The following C19orf12 variants were observed in gnomAD, a reference collection of about 807,000 sequenced individuals.
The protein encoded by C19orf12 is chromosome 19 open reading frame 12, also known as protein C19orf12.
Under a neutral mutation model 3.8 loss-of-function variants are expected in C19orf12, and 2 were observed. That is an observed-to-expected ratio of 0.53 (90% confidence interval 0.22 to 1.66). The LOEUF (loss-of-function observed/expected upper bound fraction) is 1.66, where lower values mean the gene tolerates loss of function less well. C19orf12 is among the 40% of genes most tolerant of loss of function. C19orf12 has a pLI of 0.20. For synonymous variants in C19orf12, 89 were observed against 84.6 expected (o/e 1.05, Z -0.28); for missense variants, 156 against 188.8 (o/e 0.83, Z 1.02).
In C19orf12 at chr19:29,702,705, G is replaced by C; in HGVS notation, c.*7C>G. 6.2e-7 allele frequency: 1 copy of C among 1,613,284 alleles called. No individual in the cohort carries two copies. The stretch of plus-strand genomic sequence containing the variant: ...AAAGGGGCCCCCCACCTCCCCGGAG[G>C]TGCGGCCTAGTCATCATACTGGATC... On this transcript the variant is annotated 3_prime_UTR_variant, in exon 3 of 3. Transcript: ENST00000323670.
chr19:29,713,146 G>C (rs1972770542), intron 1 of C19orf12, among the ~76,000 whole-genome samples: 1 of 152,184 alleles, frequency 6.6e-6, no homozygotes, highest in South Asian at 2.1e-4. Context: ...TGAGAGGGAA[G>C]CCCACCCTGC....
chr19:29,701,117 C>T lies in C19orf12; in HGVS notation c.*1595G>A, dbSNP rs537395968. On this transcript the variant is annotated 3_prime_UTR_variant, in exon 3 of 3. Coordinates refer to ENST00000323670, the MANE Select transcript of C19orf12 (RefSeq NM_031448.6). ...CTTCCCTCTTGTTCCATTTGTAAGA[C>T]TTTGAATATTAGAGATATTTTACAC... 216 of 454,108 alleles carry T rather than the reference C, an allele frequency of 4.8e-4. No homozygotes were observed. The highest frequency in any genetic ancestry group is 2.4e-3 in the South Asian group (152 of 64,480). 28.1% of individuals were successfully genotyped at this position (454,108 alleles called of 1,614,324 possible). A position where few individuals can be genotyped will look rare whatever the true frequency, so the allele number is the denominator to read the frequency against.
intron 2 of C19orf12, among the ~76,000 whole-genome samples, chr19:29,708,045 T>G (rs1415961246): frequency 6.6e-6 from 1 of 151,878 alleles, no homozygotes; most frequent in Non-Finnish European, 1.5e-5. Context: ...CGCCCAGCTA[T>G]TTTTTGTATT....
chr19:29,713,463 A>C (rs536673408), intron 1 of C19orf12, among the ~76,000 whole-genome samples: 12 of 151,910 alleles, frequency 7.9e-5, no homozygotes, highest in African/African-American at 2.9e-4. Context: ...CTGAGTTTGG[A>C]CCAGATTGTA....
upstream of C19orf12, chr19:29,715,442 G>A (rs769781525): frequency 1.5e-5 from 6 of 402,896 alleles, no homozygotes; most frequent in Admixed American, 1.3e-4. Flanking sequence ...TTGGGTTGCG[G>A]GTGGCGTAAG....
At chr19:29,705,858 C>T (rs534944049) in intron 2 of C19orf12, among the ~76,000 whole-genome samples, 1 of 152,084 alleles carries the variant, frequency 6.6e-6, no homozygotes, top group Non-Finnish European at 1.5e-5. Flanking sequence ...TACATGTGAT[C>T]GCTAGGAGAA....
Position 29,699,049 on chromosome 19 carries a change from G to C in C19orf12, c.*3663C>G. On this transcript the variant is annotated 3_prime_UTR_variant, in exon 3 of 3. Coordinates refer to ENST00000323670, the MANE Select transcript of C19orf12 (RefSeq NM_031448.6). ...ACCAGGCACATGGTTAGGCACAGTG[G>C]AATATTATGCAGCCATTACAAATAT... is the stretch of plus-strand genomic sequence containing the variant. The C allele has an allele frequency of 2.2e-6, 1 of 453,866 alleles. No individual in the cohort carries two copies. Among genetic ancestry groups the C allele is most frequent in the Non-Finnish European group, 4.4e-6 (1 of 226,746 alleles). The allele number at this position is 453,866 out of a possible 1,614,324, so 28.1% of individuals were successfully genotyped here.
intron 2 of C19orf12, among the ~76,000 whole-genome samples, chr19:29,703,216 A>G (rs1174676812): frequency 6.6e-6 from 1 of 151,996 alleles, no homozygotes; most frequent in African/African-American, 2.4e-5. Flanking sequence ...TGGGCTCCAC[A>G]TTTAAGGATG....
chr19:29,714,989 G>C, intron 1 of C19orf12, 136 bp downstream of exon 1: 1 of 713,764 alleles, frequency 1.4e-6, no homozygotes, highest in Non-Finnish European at 2.6e-6. Context: ...GGCACCGGGA[G>C]GGCCGGGCTC....
intron 1 of C19orf12, among the ~76,000 whole-genome samples, chr19:29,709,906 T>C (rs1972584471): frequency 6.6e-6 from 1 of 152,138 alleles, no homozygotes; most frequent in Non-Finnish European, 1.5e-5. Context: ...ACAGTGTCTC[T>C]TGTTGCCCAA....
intron 1 of C19orf12, 51 bp from the exon 2 acceptor site, chr19:29,708,474 C>T (rs753405826): frequency 1.7e-4 from 275 of 1,601,192 alleles, no homozygotes; most frequent in Non-Finnish European, 2.2e-4. Context: ...AAGAGTATTT[C>T]CATCACAATG....
intron 1 of C19orf12, among the ~76,000 whole-genome samples, chr19:29,709,639 C>A (rs1357027873): frequency 6.6e-6 from 1 of 151,664 alleles, no homozygotes; most frequent in Non-Finnish European, 1.5e-5. Flanking sequence ...AAGCGATCCT[C>A]CCACCTCAGC....
intron 1 of C19orf12, among the ~76,000 whole-genome samples, chr19:29,713,985 T>TCTCTTC: frequency 6.6e-6 from 1 of 151,888 alleles, no homozygotes; most frequent in Non-Finnish European, 1.5e-5. Context: ...CTTTTCTCTT[T>TCTCTTC]CTCTTTCGTT....
Position 29,708,268 on chromosome 19 carries a change from G to A in C19orf12, c.146C>T (p.Pro49Leu), listed in dbSNP as rs1424999393. 62 of 1,612,096 alleles carry A rather than the reference G, an allele frequency of 3.8e-5. No individual in the cohort carries two copies. The highest frequency in any genetic ancestry group is 4.8e-5 in the Non-Finnish European group (57 of 1,180,020). ...CCTGCACTTACCAACGGCGAGTCCCGGTGGGCCGCCCACCAAACCCCCGAC... is the reference window on the plus strand; with the variant it reads ...CCTGCACTTACCAACGGCGAGTCCCAGTGGGCCGCCCACCAAACCCCCGAC... ...AFVGGLVGGPPGLAVGGAVGG... is the reference protein window; with the variant it reads ...AFVGGLVGGPLGLAVGGAVGG... The change falls in exon 2 of 3, where the codon CCG (proline) becomes CTG (leucine). Residue 49 changes from proline to leucine, a missense_variant. By Grantham distance (98) the Pro-to-Leu change is moderately conservative (BLOSUM62 -3). Coordinates refer to ENST00000323670, the MANE Select transcript of C19orf12 (RefSeq NM_031448.6).
intron 2 of C19orf12, among the ~76,000 whole-genome samples, chr19:29,706,852 A>G (rs943520384): frequency 6.6e-6 from 1 of 152,212 alleles, no homozygotes; most frequent in African/African-American, 2.4e-5. Flanking sequence ...GAGCTGGGGA[A>G]CGGAAGCCAA....
chr19:29,700,994 C>T lies in C19orf12; in HGVS notation c.*1718G>A, dbSNP rs1358414004. 1.1e-5 allele frequency: 5 copies of T among 454,054 alleles called. No homozygotes were observed. The highest frequency in any genetic ancestry group is 1.8e-5 in the Non-Finnish European group (4 of 226,782). The allele number at this position is 454,054 out of a possible 1,614,324, so 28.1% of individuals were successfully genotyped here. ...CTAGTTTCAAACTCTTGGCCTCAAG[C>T]GATCCTCCCACTTTGGCCTCCAAAA... On this transcript the variant is annotated 3_prime_UTR_variant, in exon 3 of 3. Transcript: ENST00000323670.
At chr19:29,709,697 A>ATTTTAT (rs1972574254) in intron 1 of C19orf12, among the ~76,000 whole-genome samples, 1 of 150,912 alleles carries the variant, frequency 6.6e-6, no homozygotes, top group African/African-American at 2.4e-5. Context: ...CGCCCAGCTA[A>ATTTTAT]TTTTATTTTT....
At chr19:29,705,113 A>G (rs73023461) in intron 2 of C19orf12, among the ~76,000 whole-genome samples, 13,916 of 152,228 alleles carry the variant, frequency 0.091, 806 homozygotes, top group African/African-American at 0.16. Flanking sequence ...TTCAAGGTGA[A>G]TATCACTGAC....
intron 2 of C19orf12, 144 bp downstream of exon 2, chr19:29,708,110 C>T (rs2145638818): frequency 1.3e-5 from 15 of 1,115,948 alleles, no homozygotes; most frequent in Non-Finnish European, 1.8e-5. Context: ...AACTCCTGAC[C>T]TCAGGTGATC....
Sources: gnomAD v4.1 joint callset for allele counts (sites outside exome capture counted in the v4.1 genomes callset) on GRCh38, gnomAD v4.1.1 for gene constraint, MANE v1.5 for transcripts, NCBI Gene and HGNC (gene_info 2026-07-23, HGNC 2026-07-21) for gene names.